DLGAP2: variants seen among roughly 807,000 people sequenced by gnomAD.
The protein encoded by DLGAP2 is DLG associated protein 2, also known as disks large-associated protein 2.
In DLGAP2, 26 loss-of-function variants were observed where a neutral mutation model predicts 100.3. The observed-to-expected ratio is 0.26, with a 90% CI of 0.19 to 0.36. DLGAP2 has a LOEUF of 0.36. Ranked by LOEUF, DLGAP2 falls within the 10% of genes least tolerant of loss-of-function variation. The pLI, the probability that DLGAP2 is intolerant of heterozygous loss-of-function variation, is 1.00. For synonymous variants in DLGAP2, 886 were observed against 630.1 expected (o/e 1.41, Z -6.08); for missense variants, 1,858 against 1,453.2 (o/e 1.28, Z -4.53).
intron 6 of DLGAP2, among the ~76,000 whole-genome samples, chr8:1,579,662 A>C (rs558948881): frequency 6.6e-6 from 1 of 152,228 alleles, no homozygotes; most frequent in East Asian, 1.9e-4. Flanking sequence ...CTACCTTATC[A>C]ATAACTAAAA....
At chr8:1,269,682 A>T (rs947608378) in intron 3 of DLGAP2, among the ~76,000 whole-genome samples, 2 of 152,154 alleles carry the variant, frequency 1.3e-5, no homozygotes, top group Non-Finnish European at 2.9e-5. Context: ...ACACCCCAGA[A>T]TAGAATGACT....
At chr8:1,171,838 AT>A (rs1468432470) in intron 2 of DLGAP2, among the ~76,000 whole-genome samples, 2 of 152,068 alleles carry the variant, frequency 1.3e-5, no homozygotes, top group African/African-American at 4.8e-5. Context: ...TCTTTATCCA[AT>A]TTGCCAGTCT....
chr8:998,943 T>C (rs55653810), intron 2 of DLGAP2, among the ~76,000 whole-genome samples: 7,612 of 152,210 alleles, frequency 0.05, 271 homozygotes, highest in Non-Finnish European at 0.081. Context: ...GCTGCTGTTA[T>C]CCTGAAGGAT....
chr8:1,634,490 T>A (rs553409988), intron 8 of DLGAP2, among the ~76,000 whole-genome samples: 1 of 152,290 alleles, frequency 6.6e-6, no homozygotes, highest in Non-Finnish European at 1.5e-5. Flanking sequence ...CCTGTTTTCC[T>A]CTGGTTTGGC....
chr8:969,202 G>T (rs928085551), intron 2 of DLGAP2, among the ~76,000 whole-genome samples: 3 of 152,194 alleles, frequency 2.0e-5, no homozygotes, highest in African/African-American at 7.2e-5. Flanking sequence ...CTTCCACCAA[G>T]TCTGAGAGAA....
chr8:764,372 CTCCA>C (rs1320648363), intron 1 of DLGAP2, among the ~76,000 whole-genome samples: 9 of 152,244 alleles, frequency 5.9e-5, no homozygotes, highest in African/African-American at 2.2e-4. Context: ...CTATGAACTA[CTCCA>C]TCCATCCGAG....
intron 2 of DLGAP2, among the ~76,000 whole-genome samples, chr8:1,244,642 T>C (rs1798867001): frequency 6.6e-6 from 1 of 151,764 alleles, no homozygotes; most frequent in Admixed American, 6.6e-5. Flanking sequence ...TCAAAATGGG[T>C]CGAAGACCTA....
At chr8:769,282 AGTATT>A (rs1821296026) in intron 1 of DLGAP2, among the ~76,000 whole-genome samples, 6 of 152,114 alleles carry the variant, frequency 3.9e-5, no homozygotes, top group Admixed American at 3.9e-4. Context: ...GCAGGGAAGA[AGTATT>A]GTTCTCTTGA....
At chr8:1,518,354 G>C (rs776714171) in intron 4 of DLGAP2, among the ~76,000 whole-genome samples, 1 of 152,154 alleles carries the variant, frequency 6.6e-6, no homozygotes, top group East Asian at 1.9e-4. Flanking sequence ...TCTTCAGATT[G>C]TCGGTTCTGT....
At chr8:969,930 A>T (rs759576507) in intron 2 of DLGAP2, among the ~76,000 whole-genome samples, 15 of 152,216 alleles carry the variant, frequency 9.9e-5, no homozygotes, top group Admixed American at 7.9e-4. Context: ...ATTTGAGGTT[A>T]TGTTCTTTTA....
intron 6 of DLGAP2, among the ~76,000 whole-genome samples, chr8:1,615,121 C>A (rs1451037328): frequency 1.3e-5 from 2 of 152,156 alleles, no homozygotes; most frequent in Non-Finnish European, 2.9e-5. Flanking sequence ...AGGGATGGAG[C>A]CATGGAGGGA....
At chr8:1,113,672 G>C (rs1805029637) in intron 2 of DLGAP2, among the ~76,000 whole-genome samples, 1 of 151,962 alleles carries the variant, frequency 6.6e-6, no homozygotes, top group African/African-American at 2.4e-5. Flanking sequence ...CTCTCTTTCT[G>C]CTTGGATGCC....
At chr8:890,558 T>TCCCTTCCCTCCTC (rs1321742047) in intron 1 of DLGAP2, among the ~76,000 whole-genome samples, 1 of 151,674 alleles carries the variant, frequency 6.6e-6, no homozygotes, top group East Asian at 2.0e-4. Flanking sequence ...CGCCTCCTCC[T>TCCCTTCCCTCCTC]CCCTTCCCTC....
At chr8:1,600,302 T>C (rs915351141) in intron 6 of DLGAP2, among the ~76,000 whole-genome samples, 2 of 152,124 alleles carry the variant, frequency 1.3e-5, no homozygotes, top group African/African-American at 4.8e-5. Context: ...GCTGCCCTTA[T>C]CATTTTTTCC....
chr8:834,335 T>A (rs1252199142), intron 1 of DLGAP2, among the ~76,000 whole-genome samples: 1 of 152,184 alleles, frequency 6.6e-6, no homozygotes, highest in South Asian at 2.1e-4. Flanking sequence ...TGGCAAAATA[T>A]GAGCCAGACA....
intron 2 of DLGAP2, among the ~76,000 whole-genome samples, chr8:1,094,774 G>T (rs112873922): frequency 1.6e-3 from 248 of 152,318 alleles, no homozygotes; most frequent in African/African-American, 5.7e-3. Flanking sequence ...TTCTCTTAGC[G>T]TGGGCATGGC....
chr8:1,552,950 C>T (rs990877313), intron 5 of DLGAP2, among the ~76,000 whole-genome samples: 1 of 152,216 alleles, frequency 6.6e-6, no homozygotes, highest in African/African-American at 2.4e-5. Context: ...GACTAAGCAT[C>T]TAAGGTCAAA....
chr8:1,417,727 A>ACGGGGAGGCCT, intron 3 of DLGAP2, among the ~76,000 whole-genome samples: 3 of 111,582 alleles, frequency 2.7e-5, no homozygotes, highest in Admixed American at 9.1e-5. Context: ...GAGGCTCCAG[A>ACGGGGAGGCCT]CACAGAAGCC....
chr8:1,193,386 C>T (rs1337928870), intron 2 of DLGAP2, among the ~76,000 whole-genome samples: 1 of 152,166 alleles, frequency 6.6e-6, no homozygotes, highest in African/African-American at 2.4e-5. Flanking sequence ...GAGATGGTAT[C>T]TCATTGTGGT....
Sources: gnomAD v4.1 joint callset for allele counts (sites outside exome capture counted in the v4.1 genomes callset) on GRCh38, gnomAD v4.1.1 for gene constraint, MANE v1.5 for transcripts, NCBI Gene and HGNC (gene_info 2026-07-23, HGNC 2026-07-21) for gene names.